AGBL4: variants seen among roughly 807,000 people sequenced by gnomAD.
The protein encoded by AGBL4 is cytosolic carboxypeptidase 6.
Under a neutral mutation model 66.4 loss-of-function variants are expected in AGBL4, and 58 were observed. That is an observed-to-expected ratio of 0.87 (90% CI 0.71 to 1.09). AGBL4 has a LOEUF of 1.09. Ranked by LOEUF, AGBL4 falls within the 50% of genes least tolerant of loss-of-function variation. The probability of loss-of-function intolerance (pLI) is 0.00; values close to 1 mark genes in which losing one functional copy is unlikely to be tolerated. For missense variants in AGBL4, 579 were observed against 631.0 expected, an observed-to-expected ratio of 0.92 and a Z score of 0.88; for synonymous variants, 234 against 222.9, an observed-to-expected ratio of 1.05 and a Z score of -0.44.
chr1:49,311,193 A>G (rs1447966337), intron 3 of AGBL4, among the ~76,000 whole-genome samples: 1 of 152,080 alleles, frequency 6.6e-6, no homozygotes, highest in African/African-American at 2.4e-5. Flanking sequence ...TGTTCCTCAA[A>G]TGGTTGTTTC....
At position 49,067,432 on chromosome 1, in the gene AGBL4, G is replaced by A. The variant is rs143888140; in HGVS notation, c.378-21632C>T. On this transcript the variant is annotated intron_variant, in intron 4 of 13. Coordinates refer to ENST00000371839, the MANE Select transcript of AGBL4 (RefSeq NM_032785.4). ...ACCTACTTCATCTTGTACTTCTCTC[G>A]TTTTTGCTTGCTCTGCTTAGCCCAC... Among the ~76,000 whole-genome samples, 705 of 152,206 alleles carry A rather than the reference G, an allele frequency of 4.6e-3. 7 individuals carry two copies. The highest frequency in any genetic ancestry group is 0.016 in the African/African-American group (682 of 41,538).
chr1:49,281,704 G>A (rs1388075488), intron 3 of AGBL4, among the ~76,000 whole-genome samples: 1 of 152,190 alleles, frequency 6.6e-6, no homozygotes, highest in African/African-American at 2.4e-5. Context: ...GAGTGATAAA[G>A]TCATCACAAT....
At chr1:48,672,202 A>G (rs987853049) in intron 6 of AGBL4, among the ~76,000 whole-genome samples, 2 of 152,226 alleles carry the variant, frequency 1.3e-5, no homozygotes, top group Admixed American at 1.3e-4. Context: ...CCTGCCTGCT[A>G]GTCACAATAA....
intron 3 of AGBL4, among the ~76,000 whole-genome samples, chr1:49,393,765 G>A (rs1644899338): frequency 1.3e-5 from 2 of 152,222 alleles, no homozygotes; most frequent in African/African-American, 4.8e-5. Context: ...CTGTGTGTGA[G>A]TGAAGACCTG....
At chr1:49,870,613 A>G (rs1248328972) in intron 1 of AGBL4, among the ~76,000 whole-genome samples, 1 of 151,830 alleles carries the variant, frequency 6.6e-6, no homozygotes, top group East Asian at 1.9e-4. Flanking sequence ...TTTTTGAATA[A>G]TAGAAAGAAG....
chr1:49,057,124 A>C (rs183150509), intron 4 of AGBL4, among the ~76,000 whole-genome samples: 7 of 152,314 alleles, frequency 4.6e-5, no homozygotes, highest in Non-Finnish European at 1.0e-4. Context: ...TAATTGGGCC[A>C]GAGTGGTGGC....
Position 49,920,825 on chromosome 1 carries a change from A to G in AGBL4, c.35-69307T>C, listed in dbSNP as rs529706585. ...ATTGCAGCACTATTCACAATAGCAAAGACTTGGAACGAATCCACTGTCCAT... is the reference window on the plus strand; with the variant it reads ...ATTGCAGCACTATTCACAATAGCAAGGACTTGGAACGAATCCACTGTCCAT... On this transcript the variant is annotated intron_variant, in intron 1 of 13. Coordinates refer to ENST00000371839, the MANE Select transcript of AGBL4 (RefSeq NM_032785.4). Among the ~76,000 whole-genome samples, 15 of 152,320 alleles carry G rather than the reference A, an allele frequency of 9.8e-5. No individual in the cohort carries two copies. In the South Asian group the frequency reaches 3.1e-3, roughly 32 times the overall value.
intron 5 of AGBL4, among the ~76,000 whole-genome samples, chr1:48,960,189 TGATCATA>T (rs1657845763): frequency 6.6e-6 from 1 of 151,988 alleles, no homozygotes; most frequent in Non-Finnish European, 1.5e-5. Flanking sequence ...GGATATATAT[TGATCATA>T]GAACCAATAA....
intron 3 of AGBL4, among the ~76,000 whole-genome samples, chr1:49,281,133 A>G (rs1644264122): frequency 6.6e-6 from 1 of 152,232 alleles, no homozygotes; most frequent in Non-Finnish European, 1.5e-5. Flanking sequence ...GGAACTAATA[A>G]GAAAAAAAGA....
At chr1:48,837,713 A>C (rs1169100813) in intron 6 of AGBL4, among the ~76,000 whole-genome samples, 9 of 78,496 alleles carry the variant, frequency 1.1e-4, no homozygotes, top group Admixed American at 2.7e-4. Context: ...CACACACACT[A>C]TATATATATA....
At chr1:49,235,710 G>GAA (rs1650675219) in intron 4 of AGBL4, among the ~76,000 whole-genome samples, 1 of 152,216 alleles carries the variant, frequency 6.6e-6, no homozygotes, top group East Asian at 1.9e-4. Context: ...CATTCTAGTG[G>GAA]AAATAGAAGA....
chr1:49,554,475 A>G (rs1025243236), intron 3 of AGBL4, among the ~76,000 whole-genome samples: 1 of 152,218 alleles, frequency 6.6e-6, no homozygotes, highest in Non-Finnish European at 1.5e-5. Context: ...TTAGCTTACT[A>G]AACAAATTTT....
chr1:49,040,979 A>T (rs1037752266), intron 5 of AGBL4, among the ~76,000 whole-genome samples: 2 of 152,092 alleles, frequency 1.3e-5, no homozygotes, highest in Non-Finnish European at 2.9e-5. Context: ...CTTTCTCATG[A>T]TGTCCTTATC....
chr1:49,392,729 ACACAC>A (rs1644877851), intron 3 of AGBL4, among the ~76,000 whole-genome samples: 1 of 151,326 alleles, frequency 6.6e-6, no homozygotes, highest in African/African-American at 2.4e-5. Flanking sequence ...ACACACACAC[ACACAC>A]ATCATATACA....
chr1:49,677,045 T>C (rs1036682440), intron 3 of AGBL4, among the ~76,000 whole-genome samples: 7 of 152,018 alleles, frequency 4.6e-5, no homozygotes, highest in African/African-American at 1.7e-4. Context: ...TATCTATTAT[T>C]TATCCTTTTA....
intron 2 of AGBL4, among the ~76,000 whole-genome samples, chr1:49,801,878 T>C (rs1644869426): frequency 6.6e-6 from 1 of 152,238 alleles, no homozygotes; most frequent in East Asian, 1.9e-4. Context: ...ATACGTCTGT[T>C]ATGGTGTCAT....
At chr1:49,789,821 A>G (rs1644550225) in intron 2 of AGBL4, among the ~76,000 whole-genome samples, 2 of 152,180 alleles carry the variant, frequency 1.3e-5, no homozygotes, top group Non-Finnish European at 1.5e-5. Flanking sequence ...ACAGAATTAG[A>G]AAATACTACT....
At chr1:48,558,489 G>A (rs1432228334) in intron 11 of AGBL4, among the ~76,000 whole-genome samples, 1 of 152,212 alleles carries the variant, frequency 6.6e-6, no homozygotes, top group Non-Finnish European at 1.5e-5. Context: ...CAGCCCAATG[G>A]TGGCCAATCA....
intron 5 of AGBL4, among the ~76,000 whole-genome samples, chr1:48,975,410 T>C (rs969244127): frequency 6.6e-6 from 1 of 152,068 alleles, no homozygotes; most frequent in African/African-American, 2.4e-5. Context: ...AAAATTACTG[T>C]GGTCAATAGG....
Sources: gnomAD v4.1 joint callset for allele counts (sites outside exome capture counted in the v4.1 genomes callset) on GRCh38, gnomAD v4.1.1 for gene constraint, MANE v1.5 for transcripts, NCBI Gene and HGNC (gene_info 2026-07-23, HGNC 2026-07-21) for gene names.